ZBTB8B: variants seen among roughly 807,000 people sequenced by gnomAD.
The protein encoded by ZBTB8B is zinc finger and BTB domain containing 8B, also known as zinc finger and BTB domain-containing protein 8B.
ZBTB8B carries 17 observed loss-of-function variants against 30.3 expected under a neutral mutation model. The ratio of observed to expected loss-of-function variants is 0.56; its 90% CI spans 0.38 to 0.84. The LOEUF (loss-of-function observed/expected upper bound fraction) is 0.84, where lower values mean the gene tolerates loss of function less well. ZBTB8B is among the 40% of genes least tolerant of loss of function. ZBTB8B has a pLI of 0.00. For missense variants in ZBTB8B, 515 were observed against 644.9 expected, an observed-to-expected ratio of 0.80 and a Z score of 2.18; for synonymous variants, 248 against 255.6, an observed-to-expected ratio of 0.97 and a Z score of 0.28.
intron 2 of ZBTB8B, among the ~76,000 whole-genome samples, chr1:32,474,502 C>A (rs1484547764): frequency 2.7e-5 from 4 of 150,686 alleles, no homozygotes; most frequent in Non-Finnish European, 5.9e-5. Flanking sequence ...ATTGTGCTTC[C>A]AGCCTCGATG....
intron 2 of ZBTB8B, among the ~76,000 whole-genome samples, chr1:32,472,862 C>T (rs948228093): frequency 2.6e-5 from 4 of 152,266 alleles, no homozygotes; most frequent in African/African-American, 9.6e-5. Flanking sequence ...AGTGATCCTC[C>T]TGCCTTGGCC....
intron 2 of ZBTB8B, among the ~76,000 whole-genome samples, chr1:32,472,587 G>T (rs1463215776): frequency 6.6e-6 from 1 of 152,072 alleles, no homozygotes; most frequent in Non-Finnish European, 1.5e-5. Flanking sequence ...GCTTGATGAT[G>T]CCATCTACTT....
At chr1:32,473,662 A>G (rs1643640953) in intron 2 of ZBTB8B, among the ~76,000 whole-genome samples, 1 of 151,600 alleles carries the variant, frequency 6.6e-6, no homozygotes, top group South Asian at 2.1e-4. Flanking sequence ...ACGGGCATAC[A>G]CCACCACACC....
rs1643617975 is a variant in ZBTB8B at position 32,471,287 on chromosome 1, T to TA, written c.664dup (p.Thr222AsnfsTer13). 9.0e-6 allele frequency: 14 copies of TA among 1,551,810 alleles called. No homozygotes were observed. Among genetic ancestry groups the TA allele is most frequent in the Non-Finnish European group, 1.2e-5 (14 of 1,147,016 alleles). On this transcript the variant is annotated frameshift_variant, in exon 2 of 4. Transcript: ENST00000609129. LOFTEE classifies it high-confidence loss of function. ...GTGGCTCGGCTGACAGCAACCTCTC[T>TA]ACTCCACCCAAACGGATAGAGCCCA...
At position 32,484,673 on chromosome 1, in the gene ZBTB8B, C is replaced by T. The variant is rs1643730520; in HGVS notation, c.1171-428C>T. Among the ~76,000 whole-genome samples, 1 of 152,094 alleles carries T rather than the reference C, an allele frequency of 6.6e-6. No individual in the cohort carries two copies. The highest frequency in any genetic ancestry group is 2.4e-5 in the African/African-American group (1 of 41,418). ...TTCTCATGGTTTAACGCCATCCCTACTTGGTGCTGTCATCGTGATAGTGAG... is the reference window on the plus strand; with the variant it reads ...TTCTCATGGTTTAACGCCATCCCTATTTGGTGCTGTCATCGTGATAGTGAG... On this transcript the variant is annotated intron_variant, in intron 3 of 3. Coordinates refer to ENST00000609129, the MANE Select transcript of ZBTB8B (RefSeq NM_001145720.2). This position sits in a 1 kb window ranked among gnomAD's most constrained non-coding sequence, Gnocchi z 4.5.
chr1:32,470,726 C>T lies in ZBTB8B; in HGVS notation c.102C>T (p.Ile34=), dbSNP rs1643610790. 12 of 1,551,752 alleles carry T rather than the reference C, an allele frequency of 7.7e-6. No individual in the cohort carries two copies. Among genetic ancestry groups the T allele is most frequent in the Non-Finnish European group, 9.6e-6 (11 of 1,147,012 alleles). ...CDCSIIVEGR[I]FKAHRNILFA... ...GCAGCATCATTGTGGAAGGGCGGAT[C>T]TTCAAGGCCCACAGGAACATTTTGT... Residue 34 remains isoleucine (I), a synonymous_variant, in exon 2 of 4, where the codon ATC becomes ATT. Coordinates refer to ENST00000609129, the MANE Select transcript of ZBTB8B (RefSeq NM_001145720.2).
At chr1:32,467,279 A>G (rs1314261889) in intron 1 of ZBTB8B, among the ~76,000 whole-genome samples, 3 of 144,506 alleles carry the variant, frequency 2.1e-5, no homozygotes, top group Non-Finnish European at 4.5e-5. Flanking sequence ...GTCTCGCACT[A>G]TCGCCCAGGC....
In ZBTB8B at chr1:32,490,721, C is replaced by T. The variant is rs1349636997; in HGVS notation, c.*5303C>T. On this transcript the variant is annotated 3_prime_UTR_variant, in exon 4 of 4. Transcript: ENST00000609129. ...TCTCCTGCCTCAGCCTCCTGAGTAG[C>T]TGGGACTACAGGCACCCGCCACCAT... The T allele has an allele frequency of 2.6e-5, 4 of 152,194 alleles. No homozygotes were observed. The highest frequency in any genetic ancestry group is 2.6e-4 in the Admixed American group (4 of 15,268). 9.4% of individuals were successfully genotyped at this position (152,194 alleles called of 1,614,324 possible). A position where few individuals can be genotyped will look rare whatever the true frequency, so the allele number is the denominator to read the frequency against.
chr1:32,476,218 C>T (rs985539567), intron 2 of ZBTB8B, among the ~76,000 whole-genome samples: 7 of 152,104 alleles, frequency 4.6e-5, no homozygotes, highest in Non-Finnish European at 8.8e-5. Context: ...TCACTGCAGC[C>T]TCGACCTCCT....
intron 1 of ZBTB8B, among the ~76,000 whole-genome samples, chr1:32,470,268 A>C (rs1423235983): frequency 6.6e-6 from 1 of 151,850 alleles, no homozygotes; most frequent in African/African-American, 2.4e-5. Context: ...TGGGAGGCCG[A>C]GGCGGGCGGA....
At chr1:32,481,117 TATC>T (rs1643701924) in intron 3 of ZBTB8B, 48 bp downstream of exon 3, 1 of 1,480,188 alleles carries the variant, frequency 6.8e-7, no homozygotes, top group Non-Finnish European at 9.1e-7. Context: ...CTATTCATGA[TATC>T]ATCTAATGGA....
intron 2 of ZBTB8B, among the ~76,000 whole-genome samples, chr1:32,480,581 T>C (rs1643696621): frequency 6.6e-6 from 1 of 152,198 alleles, no homozygotes. Flanking sequence ...GTTATCCACA[T>C]AAGGCACGTG....
At chr1:32,466,833 A>G (rs17461632) in intron 1 of ZBTB8B, among the ~76,000 whole-genome samples, 10,120 of 152,026 alleles carry the variant, frequency 0.067, 443 homozygotes, top group Non-Finnish European at 0.094. Flanking sequence ...GTACTTACAT[A>G]TTTATCTACC....
At chr1:32,478,092 C>T (rs945499210) in intron 2 of ZBTB8B, among the ~76,000 whole-genome samples, 3 of 152,014 alleles carry the variant, frequency 2.0e-5, no homozygotes, top group Non-Finnish European at 2.9e-5. Flanking sequence ...TGGTGGCACA[C>T]GCCTGTAGTC....
chr1:32,491,033 G>A lies in ZBTB8B; in HGVS notation c.*5615G>A, dbSNP rs1314588562. ...ATTTTACTACTGCCAATTCTTCATT[G>A]ACAATTGTGGTTTTAGGGGGGGCAA... On this transcript the variant is annotated 3_prime_UTR_variant, in exon 4 of 4. Transcript: ENST00000609129. 1 of 152,102 alleles carries A rather than the reference G, an allele frequency of 6.6e-6. No individual in the cohort carries two copies. The highest frequency in any genetic ancestry group is 1.9e-4 in the East Asian group (1 of 5,198). 9.4% of individuals were successfully genotyped at this position (152,102 alleles called of 1,614,324 possible).
In ZBTB8B at chr1:32,470,619, G is replaced by A. The variant is rs1310335723; in HGVS notation, c.-6G>A. Reference sequence around the variant, plus strand: ...TTGCTCTGGAGCAGCAGCAGCTGGCGGAGCAATGGAGATGCAATCCTATTA... The same window carrying A: ...TTGCTCTGGAGCAGCAGCAGCTGGCAGAGCAATGGAGATGCAATCCTATTA... On this transcript the variant is annotated 5_prime_UTR_variant, in exon 2 of 4. Coordinates refer to ENST00000609129, the MANE Select transcript of ZBTB8B (RefSeq NM_001145720.2). 5 of 1,543,062 alleles carry A rather than the reference G, an allele frequency of 3.2e-6. No individual in the cohort carries two copies. Among genetic ancestry groups the A allele is most frequent in the Middle Eastern group, 3.4e-4 (2 of 5,914 alleles).
At chr1:32,468,126 AAATAAT>A (rs773774287) in intron 1 of ZBTB8B, among the ~76,000 whole-genome samples, 2 of 151,788 alleles carry the variant, frequency 1.3e-5, no homozygotes, top group African/African-American at 2.4e-5. Flanking sequence ...CCATCTCAAA[AAATAAT>A]AATAATAATA....
intron 2 of ZBTB8B, among the ~76,000 whole-genome samples, chr1:32,478,171 G>A (rs532095904): frequency 6.6e-6 from 1 of 151,980 alleles, no homozygotes; most frequent in South Asian, 2.1e-4. Context: ...AGTGAGCCAT[G>A]ATCATGCCAC....
In ZBTB8B at chr1:32,489,825, A is replaced by C. The variant is rs1643767860; in HGVS notation, c.*4407A>C. 6.6e-6 allele frequency: 1 copy of C among 152,188 alleles called. No individual in the cohort carries two copies. Among genetic ancestry groups the C allele is most frequent in the South Asian group, 2.1e-4 (1 of 4,830 alleles). 9.4% of individuals were successfully genotyped at this position (152,188 alleles called of 1,614,324 possible). A position where few individuals can be genotyped will look rare whatever the true frequency, so the allele number is the denominator to read the frequency against. On this transcript the variant is annotated 3_prime_UTR_variant, in exon 4 of 4. Coordinates refer to ENST00000609129, the MANE Select transcript of ZBTB8B (RefSeq NM_001145720.2). ...AATAGGGCCTTACCTATAATAATTA[A>C]GAAATGACATAGTGCATCATGATTC...
Sources: gnomAD v4.1 joint callset for allele counts (sites outside exome capture counted in the v4.1 genomes callset) on GRCh38, gnomAD v4.1.1 for gene constraint, Gnocchi (gnomAD v3.1) non-coding constraint, MANE v1.5 for transcripts, NCBI Gene and HGNC (gene_info 2026-07-23, HGNC 2026-07-21) for gene names.